The following SHISA6 variants were observed in gnomAD, a reference collection of about 807,000 sequenced individuals.
SHISA6 encodes the protein shisa family member 6.
In SHISA6, 22 loss-of-function variants were observed where a neutral mutation model predicts 47.9. That is an observed-to-expected ratio of 0.46 (90% CI 0.33 to 0.66). SHISA6 has a LOEUF of 0.66. SHISA6 is among the 30% of genes least tolerant of loss of function. SHISA6 has a pLI of 0.02. For missense variants in SHISA6, 680 were observed against 764.6 expected (o/e 0.89, Z 1.30); for synonymous variants, 388 against 337.8 (o/e 1.15, Z -1.63).
At chr17:11,556,771 C>A (rs1287043023) in intron 5 of SHISA6, among the ~76,000 whole-genome samples, 1 of 152,128 alleles carries the variant, frequency 6.6e-6, no homozygotes, top group Non-Finnish European at 1.5e-5. Flanking sequence ...CATCAACGAC[C>A]CCGCTGCACC....
chr17:11,548,618 T>G lies in SHISA6; in HGVS notation c.896-3278T>G, dbSNP rs1166575851. ...GCTAGGCAACTGACAGTGTGTTGACTTAGAAATGCTGATTTTAGTTATTGG... is the reference window on the plus strand; with the variant it reads ...GCTAGGCAACTGACAGTGTGTTGACGTAGAAATGCTGATTTTAGTTATTGG... On this transcript the variant is annotated intron_variant, in intron 3 of 5. Transcript: ENST00000441885. 3.3e-5 allele frequency among the ~76,000 whole-genome samples: 5 copies of G among 152,232 alleles called. No individual in the cohort carries two copies. The East Asian group carries it at 9.7e-4, about 29-fold the overall frequency.
intron 1 of SHISA6, 33 bp from the exon 2 acceptor site, chr17:11,263,333 T>G (rs1908307494): frequency 5.2e-6 from 8 of 1,550,238 alleles, no homozygotes; most frequent in Non-Finnish European, 6.1e-6. Flanking sequence ...ACCTGCTCAG[T>G]GAATCTCATT....
intron 3 of SHISA6, among the ~76,000 whole-genome samples, chr17:11,424,123 A>G (rs1914536597): frequency 6.6e-6 from 1 of 152,226 alleles, no homozygotes. Context: ...TATGGAAGAA[A>G]CAGTCTTTAA....
intron 2 of SHISA6, among the ~76,000 whole-genome samples, chr17:11,310,099 G>C (rs761735968): frequency 2.9e-4 from 44 of 152,184 alleles, no homozygotes; most frequent in Non-Finnish European, 5.7e-4. Context: ...TGTGTGTTAG[G>C]CTGCAGTTAT....
intron 3 of SHISA6, among the ~76,000 whole-genome samples, chr17:11,473,650 T>C (rs933080842): frequency 2.5e-4 from 38 of 152,164 alleles, no homozygotes; most frequent in African/African-American, 9.2e-4. Context: ...ATTTAGCACA[T>C]AGGAATGGAA....
chr17:11,453,448 C>T (rs1347065632), intron 3 of SHISA6, among the ~76,000 whole-genome samples: 1 of 152,106 alleles, frequency 6.6e-6, no homozygotes, highest in Non-Finnish European at 1.5e-5. Flanking sequence ...ACTGCCTAAC[C>T]CAACCTGCTT....
At chr17:11,302,607 A>G (rs1391111066) in intron 2 of SHISA6, among the ~76,000 whole-genome samples, 1 of 152,222 alleles carries the variant, frequency 6.6e-6, no homozygotes, top group Non-Finnish European at 1.5e-5. Flanking sequence ...GAGGGAGAGA[A>G]GCAGATGTTG....
chr17:11,513,680 C>A (rs73286856), intron 3 of SHISA6, among the ~76,000 whole-genome samples: 9,285 of 152,166 alleles, frequency 0.061, 309 homozygotes, highest in Middle Eastern at 0.099. Flanking sequence ...GACAAGATCC[C>A]AGCTAGGATG....
intron 3 of SHISA6, among the ~76,000 whole-genome samples, chr17:11,428,459 T>A (rs1459847371): frequency 6.6e-6 from 1 of 152,228 alleles, no homozygotes; most frequent in African/African-American, 2.4e-5. Context: ...GGAGGGAGGC[T>A]GAGCATGAGG....
intron 2 of SHISA6, among the ~76,000 whole-genome samples, chr17:11,282,194 C>T (rs367841071): frequency 4.1e-4 from 62 of 152,316 alleles, no homozygotes; most frequent in African/African-American, 1.4e-3. Context: ...AACCTAAGTG[C>T]GTCTGCAGGT....
rs1376927749 is a variant in SHISA6 at position 11,495,090 on chromosome 17, G to A, written c.896-56806G>A. Among the ~76,000 whole-genome samples, 3 of 152,274 alleles carry A rather than the reference G, an allele frequency of 2.0e-5. No homozygotes were observed. In the East Asian group the frequency reaches 5.8e-4, roughly 29 times the overall value. ...GAAAGGCCTGAGCAAGGTGGAATAA[G>A]CTGATCATCCTGCCCCAGTAGATTT... On this transcript the variant is annotated intron_variant, in intron 3 of 5. Coordinates refer to ENST00000441885, the MANE Select transcript of SHISA6 (RefSeq NM_207386.4).
At chr17:11,348,510 A>G (rs966203700) in intron 2 of SHISA6, among the ~76,000 whole-genome samples, 1 of 152,168 alleles carries the variant, frequency 6.6e-6, no homozygotes, top group African/African-American at 2.4e-5. Context: ...TAATTATTTG[A>G]TAGTTATAAA....
intron 1 of SHISA6, among the ~76,000 whole-genome samples, chr17:11,256,530 C>G (rs544943565): frequency 6.6e-5 from 10 of 152,122 alleles, no homozygotes; most frequent in African/African-American, 2.4e-4. Flanking sequence ...CCAACAATCA[C>G]AAGAATCGTA....
At chr17:11,273,049 A>G (rs976144880) in intron 2 of SHISA6, among the ~76,000 whole-genome samples, 2 of 152,192 alleles carry the variant, frequency 1.3e-5, no homozygotes, top group African/African-American at 4.8e-5. Context: ...TCATATTAGC[A>G]ACTAACAGTA....
intron 2 of SHISA6, among the ~76,000 whole-genome samples, chr17:11,276,059 C>T (rs1277792029): frequency 2.0e-5 from 3 of 151,806 alleles, no homozygotes; most frequent in Non-Finnish European, 4.4e-5. Context: ...TTCACTGCAA[C>T]CTCCGCCTCT....
chr17:11,253,875 A>C (rs530453767), intron 1 of SHISA6, among the ~76,000 whole-genome samples: 1 of 151,986 alleles, frequency 6.6e-6, no homozygotes, highest in African/African-American at 2.4e-5. Flanking sequence ...CTGAGAGGTT[A>C]TGGATCTGGA....
chr17:11,508,289 A>G (rs768941473), intron 3 of SHISA6, among the ~76,000 whole-genome samples: 1 of 152,234 alleles, frequency 6.6e-6, no homozygotes, highest in Non-Finnish European at 1.5e-5. Flanking sequence ...TGGAAGTCCA[A>G]GATCAAAGCA....
intron 2 of SHISA6, among the ~76,000 whole-genome samples, chr17:11,329,583 CAG>C (rs1911026337): frequency 1.3e-5 from 2 of 152,026 alleles, no homozygotes; most frequent in South Asian, 4.2e-4. Context: ...TCTTGGTGGG[CAG>C]AGTCTCCACG....
At chr17:11,417,234 G>A (rs938362672) in intron 3 of SHISA6, among the ~76,000 whole-genome samples, 7 of 152,158 alleles carry the variant, frequency 4.6e-5, no homozygotes, top group South Asian at 4.2e-4. Flanking sequence ...GTTTGACTGG[G>A]TTTTTTCAGA....
Sources: allele counts gnomAD v4.1 joint callset (sites outside exome capture counted in the v4.1 genomes callset), GRCh38; gene constraint gnomAD v4.1.1; transcripts MANE v1.5; gene names NCBI Gene and HGNC (gene_info 2026-07-23, HGNC 2026-07-21).